ASPM: variants seen among roughly 807,000 people sequenced by gnomAD.
ASPM encodes assembly factor for spindle microtubules.
A neutral mutation model predicts 366.4 loss-of-function variants in ASPM; 256 were observed. The ratio of observed to expected loss-of-function variants is 0.70; its 90% CI spans 0.63 to 0.77. The LOEUF is 0.77. Ranked by LOEUF, ASPM falls within the 30% of genes least tolerant of loss-of-function variation. ASPM has a pLI of 0.00. For missense variants in ASPM, 4,146 were observed against 4,090.4 expected (o/e 1.01, Z -0.37); for synonymous variants, 1,414 against 1,342.9 (o/e 1.05, Z -1.16).
intron 1 of ASPM, 152 bp from the exon 2 acceptor site, chr1:197,144,252 C>T (rs1368138717): frequency 1.7e-6 from 1 of 573,806 alleles, no homozygotes; most frequent in Admixed American, 3.4e-5. Context: ...ATTTCTCCTA[C>T]CCTATCTGCT....
chr1:197,113,046 A>C lies in ASPM; in HGVS notation c.4065+4743T>G, dbSNP rs374016868. 1.4e-4 allele frequency among the ~76,000 whole-genome samples: 21 copies of C among 152,326 alleles called. No individual in the cohort carries two copies. In the East Asian group the frequency reaches 3.7e-3, roughly 27 times the overall value. On this transcript the variant is annotated intron_variant, in intron 17 of 27. Transcript: ENST00000367409. ...ATGGAATACCATGCAGCCATAAAAA[A>C]AATTATGTCCTTTGCAGTAATGTGC...
At chr1:197,085,596 A>G (rs1288634038) in intron 27 of ASPM, among the ~76,000 whole-genome samples, 1 of 152,236 alleles carries the variant, frequency 6.6e-6, no homozygotes, top group Non-Finnish European at 1.5e-5. Context: ...AAATCCATGC[A>G]TAAACATGAA....
At chr1:197,138,746 G>C (rs1443345704) in intron 4 of ASPM, 1 of 712,518 alleles carries the variant, frequency 1.4e-6, no homozygotes, top group Non-Finnish European at 2.5e-6. Flanking sequence ...TAAGAGAAAC[G>C]ATTATTTCTT....
chr1:197,100,338 TTA>T (rs1183693915), intron 18 of ASPM, 91 bp downstream of exon 18: 7 of 925,384 alleles, frequency 7.6e-6, no homozygotes, highest in Non-Finnish European at 9.5e-6. Flanking sequence ...GTACTATTCT[TTA>T]TGACCTGCTT....
chr1:197,127,128 G>A lies in ASPM; in HGVS notation c.2936+1362C>T, dbSNP rs114347204. 4.1e-3 allele frequency among the ~76,000 whole-genome samples: 622 copies of A among 152,048 alleles called. 7 individuals carry two copies. Among genetic ancestry groups the A allele is most frequent in the African/African-American group, 0.013 (539 of 41,458 alleles). On this transcript the variant is annotated intron_variant, in intron 10 of 27. Transcript: ENST00000367409. ...TAAATATTCACAGTTCTTTCAATTGGTCTCCATGAAACATGGATATAAGGT... is the reference window on the plus strand; with the variant it reads ...TAAATATTCACAGTTCTTTCAATTGATCTCCATGAAACATGGATATAAGGT...
chr1:197,134,610 C>T (rs1175226409), intron 5 of ASPM, among the ~76,000 whole-genome samples: 4 of 152,184 alleles, frequency 2.6e-5, no homozygotes, highest in African/African-American at 9.7e-5. Flanking sequence ...AAGAGCTGCA[C>T]AAAAGTTAAG....
rs753747899 is a variant in ASPM, at chr1:197,142,451, T to G, written c.1801A>C (p.Arg601=). The change falls in exon 3 of 28, where the codon AGA becomes CGA. Residue 601 remains arginine, a synonymous_variant. Coordinates refer to ENST00000367409, the MANE Select transcript of ASPM (RefSeq NM_018136.5). The part of the protein sequence containing the change: ...TEHTEVREIK[R]IHFSPSEPKT... ...GGCTCTGAGGGAGAAAAATGGATTCTTTTGATTTCTCGCACTTCTGTATGT... is the reference window on the plus strand; with the variant it reads ...GGCTCTGAGGGAGAAAAATGGATTCGTTTGATTTCTCGCACTTCTGTATGT... 6.2e-7 allele frequency: 1 copy of G among 1,614,024 alleles called. No individual in the cohort carries two copies. Among genetic ancestry groups the G allele is most frequent in the Admixed American group, 1.7e-5 (1 of 60,030 alleles).
Position 197,104,772 on chromosome 1 carries a change from G to A in ASPM, c.4479C>T (p.Ile1493=). The A allele has an allele frequency of 6.3e-7, 1 of 1,597,324 alleles. No individual in the cohort carries two copies. Among genetic ancestry groups the A allele is most frequent in the Non-Finnish European group, 8.5e-7 (1 of 1,173,428 alleles). The change falls in exon 18 of 28, where the codon ATC becomes ATT. Residue 1493 remains isoleucine, a synonymous_variant. Coordinates refer to ENST00000367409, the MANE Select transcript of ASPM (RefSeq NM_018136.5). ...KYIYIRSCVV[I]IQKRFRCFQA... is the part of the protein sequence containing the mutation. Reference sequence around the variant, plus strand: ...GAAAGCACCGAAATCTTTTCTGAATGATAACAACACAAGATCTAATATAAA... The same window carrying A: ...GAAAGCACCGAAATCTTTTCTGAATAATAACAACACAAGATCTAATATAAA...
At chr1:197,087,755 C>CAG (rs1656643020) in intron 26 of ASPM, among the ~76,000 whole-genome samples, 1 of 152,146 alleles carries the variant, frequency 6.6e-6, no homozygotes, top group Non-Finnish European at 1.5e-5. Flanking sequence ...ATTCTTCAAT[C>CAG]AGAAGCCAGA....
intron 17 of ASPM, among the ~76,000 whole-genome samples, chr1:197,107,493 A>G (rs1046761557): frequency 2.0e-5 from 3 of 152,154 alleles, no homozygotes; most frequent in Admixed American, 6.6e-5. Flanking sequence ...GTCTGATAAC[A>G]TAACATTAAA....
At position 197,142,315 on chromosome 1, in the gene ASPM, T is replaced by C; in HGVS notation, c.1921+16A>G. The stretch of plus-strand genomic sequence containing the variant: ...TTTACAGGTATACTTCAGTAGATTT[T>C]ATAAACAAGACTCACCAGTTTTCTT... On this transcript the variant is annotated intron_variant, in intron 3 of 27. Coordinates refer to ENST00000367409, the MANE Select transcript of ASPM (RefSeq NM_018136.5). 6.2e-7 allele frequency: 1 copy of C among 1,612,216 alleles called. No homozygotes were observed.
At chr1:197,131,626 T>G (rs1658257039) in intron 7 of ASPM, among the ~76,000 whole-genome samples, 1 of 150,704 alleles carries the variant, frequency 6.6e-6, no homozygotes, top group African/African-American at 2.4e-5. Flanking sequence ...TCGTGCGATC[T>G]CGGCTAACTG....
chr1:197,143,167 T>A lies in ASPM; in HGVS notation c.1085A>T (p.Tyr362Phe). ...AGAATCTGGACTTAAAATTTTCTGA[T>A]AAATTTCATGTGCAATTGTTGATTC... ...HLESTIAHEI[Y>F]QKILSPDSFI... The change falls in exon 3 of 28, where the codon TAT (tyrosine) becomes TTT (phenylalanine). Residue 362 changes from tyrosine (Y) to phenylalanine (F), a missense_variant. Physicochemically the swap from Tyr to Phe is conservative, Grantham distance 22 (BLOSUM62 3). Transcript: ENST00000367409. 1.2e-6 allele frequency: 2 copies of A among 1,613,576 alleles called. No homozygotes were observed. Among genetic ancestry groups the A allele is most frequent in the Non-Finnish European group, 1.7e-6 (2 of 1,179,662 alleles).
intron 17 of ASPM, among the ~76,000 whole-genome samples, chr1:197,115,923 T>G (rs996045411): frequency 2.6e-5 from 4 of 152,198 alleles, no homozygotes; most frequent in Non-Finnish European, 5.9e-5. Context: ...ACCAGTTGCA[T>G]TAGCCCCTAA....
In ASPM at chr1:197,133,427, G is replaced by C; in HGVS notation, c.2342C>G (p.Ala781Gly). Reference sequence around the variant, plus strand: ...AATTTCAATTTCAAGCTTTTTAATAGCTTTAACCATTTTTTCAGAAGTAAA... The same window carrying C: ...AATTTCAATTTCAAGCTTTTTAATACCTTTAACCATTTTTTCAGAAGTAAA... ...RLFTSEKMVK[A>G]IKKLEIEIEA... is the part of the protein sequence containing the mutation. The change falls in exon 6 of 28, where the codon GCT becomes GGT. Residue 781 changes from alanine (A) to glycine (G), a missense_variant. Coordinates refer to ENST00000367409, the MANE Select transcript of ASPM (RefSeq NM_018136.5). 1 of 1,613,944 alleles carries C rather than the reference G, an allele frequency of 6.2e-7. No homozygotes were observed. Among genetic ancestry groups the C allele is most frequent in the Non-Finnish European group, 8.5e-7 (1 of 1,179,950 alleles).
At chr1:197,119,619 G>GCC (rs35250302) in intron 16 of ASPM, among the ~76,000 whole-genome samples, 119,086 of 151,948 alleles carry the variant, frequency 0.78, 49,908 homozygotes, top group East Asian at 1. Flanking sequence ...AAGTTTCCAT[G>GCC]TATGGTCATT....
chr1:197,122,848 GA>G (rs1657960470), intron 13 of ASPM, among the ~76,000 whole-genome samples: 1 of 152,136 alleles, frequency 6.6e-6, no homozygotes, highest in African/African-American at 2.4e-5. Flanking sequence ...AACTGTGAGA[GA>G]ATAAATTTCT....
intron 27 of ASPM, 52 bp from the exon 28 acceptor site, chr1:197,084,478 G>A: frequency 7.9e-7 from 1 of 1,267,222 alleles, no homozygotes. Flanking sequence ...TCTCTTTAGA[G>A]TTACCTTCAC....
chr1:197,140,377 G>A (rs151193922), intron 3 of ASPM, among the ~76,000 whole-genome samples: 55 of 152,356 alleles, frequency 3.6e-4, no homozygotes, highest in African/African-American at 1.1e-3. Context: ...CAAGAGGCTA[G>A]AAGAGGTAGG....
Sources: gnomAD v4.1 joint callset for allele counts (sites outside exome capture counted in the v4.1 genomes callset) on GRCh38, gnomAD v4.1.1 for gene constraint, MANE v1.5 for transcripts, NCBI Gene and HGNC (gene_info 2026-07-23, HGNC 2026-07-21) for gene names.